The following EPYC variants were observed in gnomAD, a reference collection of about 807,000 sequenced individuals.
EPYC encodes dermatan sulfate proteoglycan 3.
Under a neutral mutation model 30.1 loss-of-function variants are expected in EPYC, and 28 were observed. The observed-to-expected ratio is 0.93, with a 90% CI of 0.69 to 1.28. The LOEUF is 1.28. Ranked by LOEUF, EPYC falls within the 50% of genes most tolerant of loss-of-function variation. EPYC has a pLI of 0.00. For synonymous variants in EPYC, 144 were observed against 141.4 expected, an observed-to-expected ratio of 1.02 and a Z score of -0.13; for missense variants, 382 against 383.5, an observed-to-expected ratio of 1.00 and a Z score of 0.03.
At chr12:90,993,206 A>G (rs1344827830) in intron 2 of EPYC, among the ~76,000 whole-genome samples, 1 of 152,128 alleles carries the variant, frequency 6.6e-6, no homozygotes, top group African/African-American at 2.4e-5. Flanking sequence ...TTGACTATCA[A>G]TTGCATACAT....
intron 2 of EPYC, among the ~76,000 whole-genome samples, chr12:90,979,701 T>G (rs1289649661): frequency 6.6e-6 from 1 of 152,168 alleles, no homozygotes; most frequent in Non-Finnish European, 1.5e-5. Flanking sequence ...TCCATTTGTT[T>G]TCTGCATTTC....
chr12:90,986,218 T>G (rs1301445004), intron 2 of EPYC, among the ~76,000 whole-genome samples: 1 of 151,980 alleles, frequency 6.6e-6, no homozygotes, highest in Non-Finnish European at 1.5e-5. Flanking sequence ...GGGCAAAAAA[T>G]GCCTGCCCAG....
At position 90,972,846 on chromosome 12, in the gene EPYC, T is replaced by C; in HGVS notation, c.475A>G (p.Asn159Asp). The C allele has an allele frequency of 6.2e-7, 1 of 1,613,696 alleles. No homozygotes were observed. Among genetic ancestry groups the C allele is most frequent in the Non-Finnish European group, 8.5e-7 (1 of 1,179,716 alleles). ...CTTAGGCTTGCAAAGTCATTTTTGT[T>C]GATCTTTTTAATTCTGTTAAAGCGG... ...YSRFNRIKKI[N>D]KNDFASLSDL... The change falls in exon 4 of 7, where the codon AAC (asparagine) becomes GAC (aspartate). Residue 159 changes from asparagine to aspartate, a missense_variant. Transcript: ENST00000261172.
chr12:90,978,052 T>C, intron 3 of EPYC, 36 bp downstream of exon 3: 1 of 1,501,734 alleles, frequency 6.7e-7, no homozygotes. Flanking sequence ...GATGACAAAG[T>C]GGACTCAATT....
In EPYC at chr12:90,964,267, A is replaced by T. The variant is rs762183152; in HGVS notation, c.858T>A (p.Tyr286Ter). 1 of 1,613,096 alleles carries T rather than the reference A, an allele frequency of 6.2e-7. No homozygotes were observed. Among genetic ancestry groups the T allele is most frequent in the African/African-American group, 1.3e-5 (1 of 74,916 alleles). Reference protein sequence around the residue: ...DTFCNVKNLTYIRKALEDIRL... With the variant: ...DTFCNVKNLT ...GAATGTCCTCTAGTGCCTTACGAAT[A>T]TAAGTCAAATTTTTAACATTGCAGA... Residue 286 changes from tyrosine to a stop codon, truncating the protein, a stop_gained, in exon 7 of 7, where the codon TAT becomes TAA. Transcript: ENST00000261172. LOFTEE classifies it high-confidence loss of function.
chr12:90,969,918 A>T, intron 6 of EPYC, 126 bp downstream of exon 6: 1 of 696,862 alleles, frequency 1.4e-6, no homozygotes. Context: ...ATGAGAAAAG[A>T]GAAAAAGAAG....
At chr12:90,987,426 A>G (rs570507595) in intron 2 of EPYC, among the ~76,000 whole-genome samples, 17 of 151,012 alleles carry the variant, frequency 1.1e-4, no homozygotes, top group African/African-American at 4.1e-4. Flanking sequence ...AAAATTGGCC[A>G]GAAGCCCCTC....
At chr12:90,988,227 T>C (rs1877498989) in intron 2 of EPYC, among the ~76,000 whole-genome samples, 1 of 152,146 alleles carries the variant, frequency 6.6e-6, no homozygotes, top group East Asian at 1.9e-4. Context: ...GTTCTCATCA[T>C]GGAAAAGTGA....
chr12:90,967,702 G>T (rs1876934007), intron 6 of EPYC, among the ~76,000 whole-genome samples: 1 of 152,202 alleles, frequency 6.6e-6, no homozygotes, highest in Non-Finnish European at 1.5e-5. Context: ...GCCAGGTGCG[G>T]TGGCTCATGC....
At chr12:90,970,827 CCT>C (rs752453007) in intron 5 of EPYC, among the ~76,000 whole-genome samples, 35 of 152,168 alleles carry the variant, frequency 2.3e-4, no homozygotes, top group Non-Finnish European at 4.9e-4. Context: ...CACACTATCC[CCT>C]GTGCCATCCC....
intron 3 of EPYC, among the ~76,000 whole-genome samples, chr12:90,974,347 G>A (rs1395032444): frequency 6.6e-6 from 1 of 152,060 alleles, no homozygotes; most frequent in African/African-American, 2.4e-5. Context: ...GCAAAGTGAG[G>A]GAGCTGAAAG....
At chr12:90,968,951 A>G (rs967723618) in intron 6 of EPYC, among the ~76,000 whole-genome samples, 1 of 151,688 alleles carries the variant, frequency 6.6e-6, no homozygotes, top group Non-Finnish European at 1.5e-5. Flanking sequence ...CAAGTAAACA[A>G]ATCAGACAAA....
chr12:90,965,506 C>A (rs1876872286), intron 6 of EPYC, among the ~76,000 whole-genome samples: 1 of 152,132 alleles, frequency 6.6e-6, no homozygotes, highest in African/African-American at 2.4e-5. Context: ...TTGTCTGCAT[C>A]TTAACCAATG....
intron 2 of EPYC, among the ~76,000 whole-genome samples, chr12:90,984,241 G>A (rs1270327635): frequency 5.3e-5 from 8 of 152,130 alleles, no homozygotes; most frequent in African/African-American, 1.9e-4. Flanking sequence ...GGTCTAAGAG[G>A]AAAACTGGTG....
At chr12:90,966,114 TTAC>T (rs1876888801) in intron 6 of EPYC, among the ~76,000 whole-genome samples, 1 of 152,012 alleles carries the variant, frequency 6.6e-6, no homozygotes, top group Non-Finnish European at 1.5e-5. Context: ...AACTATTTAT[TTAC>T]TATATTTTAT....
Position 90,972,959 on chromosome 12 carries a change from C to T in EPYC, c.362G>A (p.Cys121Tyr). The T allele has an allele frequency of 6.3e-7, 1 of 1,590,760 alleles. No individual in the cohort carries two copies. The highest frequency in any genetic ancestry group is 8.6e-7 in the Non-Finnish European group (1 of 1,167,550). Residue 121 changes from cysteine to tyrosine, a missense_variant, in exon 4 of 7, where the codon TGT becomes TAT. By Grantham distance (194) the Cys-to-Tyr change is radical. Coordinates refer to ENST00000261172, the MANE Select transcript of EPYC (RefSeq NM_004950.5). ...TNEDFPTCLL[C>Y]TCISTTVYCD... ...GTACACGGTGGTACTTATACAAGTACACAAAAGACAGGTTGGAAAGTCTAA... is the reference window on the plus strand; with the variant it reads ...GTACACGGTGGTACTTATACAAGTATACAAAAGACAGGTTGGAAAGTCTAA...
At chr12:90,964,402 T>TA in intron 6 of EPYC, 76 bp from the exon 7 acceptor site, 7 of 1,017,564 alleles carry the variant, frequency 6.9e-6, no homozygotes, top group South Asian at 2.1e-5. Context: ...TCCACTGTGC[T>TA]TCACCCTTGT....
intron 2 of EPYC, among the ~76,000 whole-genome samples, chr12:90,979,181 G>T (rs1004099063): frequency 3.9e-5 from 6 of 152,082 alleles, no homozygotes; most frequent in African/African-American, 1.4e-4. Context: ...CTTAGTAAAT[G>T]TCTACTTCTC....
intron 2 of EPYC, among the ~76,000 whole-genome samples, chr12:90,983,755 C>T (rs2120838423): frequency 6.6e-6 from 1 of 152,244 alleles, no homozygotes; most frequent in Admixed American, 6.5e-5. Flanking sequence ...GCTAGTCCTG[C>T]TTCTAAAAAC....
Sources: allele counts gnomAD v4.1 joint callset (sites outside exome capture counted in the v4.1 genomes callset), GRCh38; gene constraint gnomAD v4.1.1; transcripts MANE v1.5; gene names NCBI Gene and HGNC (gene_info 2026-07-23, HGNC 2026-07-21).